The following GABRG3 variants were observed in gnomAD, a reference collection of about 807,000 sequenced individuals.
GABRG3 encodes gamma-aminobutyric acid type A receptor subunit gamma3, also known as gamma-aminobutyric acid receptor subunit gamma-3.
Under a neutral mutation model 48.8 loss-of-function variants are expected in GABRG3, and 25 were observed. The ratio of observed to expected loss-of-function variants is 0.51; its 90% confidence interval spans 0.37 to 0.72. The LOEUF is 0.72. Among genes scored for constraint, GABRG3 ranks in the 30% least tolerant of loss-of-function variants. GABRG3 has a pLI of 0.00. For synonymous variants in GABRG3, 227 were observed against 217.6 expected (o/e 1.04, Z -0.38); for missense variants, 394 against 577.9 (o/e 0.68, Z 3.26).
intron 3 of GABRG3, among the ~76,000 whole-genome samples, chr15:27,229,143 C>T (rs1889716729): frequency 6.6e-6 from 1 of 152,078 alleles, no homozygotes; most frequent in African/African-American, 2.4e-5. Context: ...TTTGCCCGTT[C>T]CTATGTCCAG....
intron 5 of GABRG3, among the ~76,000 whole-genome samples, chr15:27,388,381 G>GA (rs1232504351): frequency 1.4e-5 from 2 of 142,290 alleles, no homozygotes; most frequent in Non-Finnish European, 3.0e-5. Flanking sequence ...AGGAAGGAAG[G>GA]AAGGAAAGGA....
intron 3 of GABRG3, among the ~76,000 whole-genome samples, chr15:27,308,340 AATATAAACATACGTTTATATATAAAC>A (rs1387839578): frequency 1.6e-5 from 2 of 127,192 alleles, no homozygotes; most frequent in African/African-American, 3.0e-5. Flanking sequence ...ATATAAACAT[AATATAAACATACGTTTATATATAAAC>A]ATATAAACAT....
Position 27,023,630 on chromosome 15 carries a change from G to A in GABRG3, c.203-3124G>A, listed in dbSNP as rs977645218. On this transcript the variant is annotated intron_variant, in intron 2 of 9. Transcript: ENST00000615808. ...TCAAGGTTTATCCATGTTGTGGCAC[G>A]TATCACGATATCCTTCCTCTTTAAG... Among the ~76,000 whole-genome samples the A allele has an allele frequency of 9.2e-5, 14 of 152,318 alleles. 1 individual carries two copies. The highest frequency in any genetic ancestry group is 8.3e-4 in the South Asian group (4 of 4,830).
chr15:27,471,191 A>G (rs1889777933), intron 5 of GABRG3, among the ~76,000 whole-genome samples: 1 of 152,118 alleles, frequency 6.6e-6, no homozygotes, highest in Non-Finnish European at 1.5e-5. Context: ...AGGGAATGAA[A>G]TCATAGGGTT....
chr15:27,233,185 G>A (rs1889853325), intron 3 of GABRG3, among the ~76,000 whole-genome samples: 1 of 152,180 alleles, frequency 6.6e-6, no homozygotes, highest in Admixed American at 6.5e-5. Context: ...GGAGGACAGG[G>A]GCTGTGTTTG....
intron 3 of GABRG3, among the ~76,000 whole-genome samples, chr15:27,305,281 G>A (rs1892359302): frequency 1.3e-5 from 2 of 151,332 alleles, no homozygotes; most frequent in South Asian, 4.2e-4. Context: ...AATAACTCCA[G>A]AATTGAAATA....
chr15:27,413,352 A>G (rs1182350784), intron 5 of GABRG3, among the ~76,000 whole-genome samples: 1 of 152,236 alleles, frequency 6.6e-6, no homozygotes, highest in East Asian at 1.9e-4. Flanking sequence ...ACCAAGGTTA[A>G]TAAGGTCAAT....
chr15:26,981,470 T>C (rs1895053076), intron 2 of GABRG3, among the ~76,000 whole-genome samples: 1 of 152,250 alleles, frequency 6.6e-6, no homozygotes, highest in Non-Finnish European at 1.5e-5. Context: ...AGAGTATGTA[T>C]CCTGTCATCA....
At chr15:27,040,664 C>T (rs945833200) in intron 3 of GABRG3, among the ~76,000 whole-genome samples, 1 of 152,178 alleles carries the variant, frequency 6.6e-6, no homozygotes, top group African/African-American at 2.4e-5. Flanking sequence ...AAGATAGAAG[C>T]GTCCTTGGAA....
At chr15:27,509,240 CTT>C (rs1207353270) in intron 6 of GABRG3, among the ~76,000 whole-genome samples, 1 of 152,056 alleles carries the variant, frequency 6.6e-6, no homozygotes, top group Non-Finnish European at 1.5e-5. Context: ...AAAAATGTAT[CTT>C]TTTTTCCCTT....
chr15:27,422,193 G>C (rs1888141201), intron 5 of GABRG3, among the ~76,000 whole-genome samples: 1 of 151,930 alleles, frequency 6.6e-6, no homozygotes, highest in Non-Finnish European at 1.5e-5. Context: ...AGTGTTCTAA[G>C]ATATCCATGG....
In GABRG3 at chr15:27,447,821, G is replaced by A. The variant is rs1888987203; in HGVS notation, c.575-32829G>A. ...AACAATGAGAACACATGGACACAGGGAGGGGAACATCACACACCAGGGCCT... is the reference window on the plus strand; with the variant it reads ...AACAATGAGAACACATGGACACAGGAAGGGGAACATCACACACCAGGGCCT... On this transcript the variant is annotated intron_variant, in intron 5 of 9. Transcript: ENST00000615808. The surrounding 1 kb of genome is among the most constrained non-coding windows in gnomAD (Gnocchi z 4.0). Among the ~76,000 whole-genome samples, 1 of 152,116 alleles carries A rather than the reference G, an allele frequency of 6.6e-6. No homozygotes were observed. The highest frequency in any genetic ancestry group is 6.5e-5 in the Admixed American group (1 of 15,268).
At chr15:27,231,049 G>A (rs1361879530) in intron 3 of GABRG3, among the ~76,000 whole-genome samples, 1 of 146,240 alleles carries the variant, frequency 6.8e-6, no homozygotes, top group Non-Finnish European at 1.5e-5. Context: ...GTGTGTGTGT[G>A]ATTTCTTCCT....
chr15:27,101,552 C>T (rs992481694), intron 3 of GABRG3, among the ~76,000 whole-genome samples: 5 of 152,082 alleles, frequency 3.3e-5, no homozygotes, highest in African/African-American at 1.2e-4. Context: ...TATATAGCTA[C>T]ATAATCAAGA....
chr15:27,490,028 T>C (rs1360502607), intron 6 of GABRG3, among the ~76,000 whole-genome samples: 11 of 152,196 alleles, frequency 7.2e-5, no homozygotes, highest in Non-Finnish European at 1.5e-5. Flanking sequence ...GTCTTTAATG[T>C]ATCTTGAGTT....
intron 3 of GABRG3, among the ~76,000 whole-genome samples, chr15:27,318,918 C>T (rs1453735375): frequency 2.0e-5 from 3 of 152,188 alleles, no homozygotes; most frequent in Non-Finnish European, 2.9e-5. Flanking sequence ...AGATGTTGGT[C>T]AGTGGTCCAG....
chr15:27,026,918 T>A, intron 3 of GABRG3, 97 bp downstream of exon 3: 2 of 771,984 alleles, frequency 2.6e-6, no homozygotes, highest in Non-Finnish European at 4.0e-6. Flanking sequence ...CATGCCGGTT[T>A]AAAACTCACA....
chr15:27,438,637 G>A (rs1462497232), intron 5 of GABRG3, among the ~76,000 whole-genome samples: 5 of 152,158 alleles, frequency 3.3e-5, no homozygotes, highest in African/African-American at 1.2e-4. Context: ...CAGGGAGCCC[G>A]CCTCCTGCTC....
At chr15:27,412,644 C>CGCTTGAACGTGGAAGAGGCA (rs1887831017) in intron 5 of GABRG3, among the ~76,000 whole-genome samples, 1 of 152,176 alleles carries the variant, frequency 6.6e-6, no homozygotes, top group African/African-American at 2.4e-5. Context: ...AGCTCTCACA[C>CGCTTGAACGTGGAAGAGGCA]GCTTGAACGT....
Sources: allele counts gnomAD v4.1 joint callset (sites outside exome capture counted in the v4.1 genomes callset), GRCh38; gene constraint gnomAD v4.1.1; non-coding constraint Gnocchi (gnomAD v3.1); transcripts MANE v1.5; gene names NCBI Gene and HGNC (gene_info 2026-07-23, HGNC 2026-07-21).